The following AGBL4 variants were observed in gnomAD, a reference collection of about 807,000 sequenced individuals.
The protein encoded by AGBL4 is cytosolic carboxypeptidase 6.
A neutral mutation model predicts 66.4 loss-of-function variants in AGBL4; 58 were observed. The observed-to-expected ratio is 0.87, with a 90% CI of 0.71 to 1.09. The LOEUF (loss-of-function observed/expected upper bound fraction) is 1.09. Among genes scored for constraint, AGBL4 ranks in the 50% least tolerant of loss-of-function variants. AGBL4 has a pLI of 0.00. For synonymous variants in AGBL4, 234 were observed against 222.9 expected, an observed-to-expected ratio of 1.05 and a Z score of -0.44; for missense variants, 579 against 631.0, an observed-to-expected ratio of 0.92 and a Z score of 0.88.
intron 5 of AGBL4, among the ~76,000 whole-genome samples, chr1:48,939,784 C>T (rs1468061057): frequency 1.3e-5 from 2 of 152,208 alleles, no homozygotes; most frequent in Admixed American, 6.5e-5. Flanking sequence ...TGCTTTGGAT[C>T]TGAATTCAAC....
chr1:49,076,552 A>T (rs1474556796), intron 4 of AGBL4, among the ~76,000 whole-genome samples: 1 of 152,184 alleles, frequency 6.6e-6, no homozygotes, highest in Non-Finnish European at 1.5e-5. Context: ...ATAAATAAAA[A>T]GGCAGCTGTG....
chr1:49,800,443 C>T (rs925564728), intron 2 of AGBL4, among the ~76,000 whole-genome samples: 1 of 138,200 alleles, frequency 7.2e-6, no homozygotes, highest in Admixed American at 7.4e-5. Context: ...TATACATGTG[C>T]CATGCTGGTG....
intron 6 of AGBL4, among the ~76,000 whole-genome samples, chr1:48,846,365 GAAAGAAAGA>G (rs1482738822): frequency 1.6e-4 from 10 of 61,628 alleles, no homozygotes; most frequent in Admixed American, 6.5e-4. Flanking sequence ...AAAGAAAGAA[GAAAGAAAGA>G]AAGAAAGAAA....
intron 3 of AGBL4, among the ~76,000 whole-genome samples, chr1:49,630,474 T>A (rs1013487590): frequency 1.3e-5 from 2 of 152,168 alleles, no homozygotes; most frequent in Non-Finnish European, 2.9e-5. Context: ...CTCAGGCATT[T>A]CACTCAGCAT....
intron 11 of AGBL4, among the ~76,000 whole-genome samples, chr1:48,548,436 T>G (rs1394290859): frequency 6.6e-6 from 1 of 152,168 alleles, no homozygotes. Flanking sequence ...CTGGGGATAA[T>G]AATCAACCTC....
chr1:48,841,790 A>G (rs753899649), intron 6 of AGBL4, among the ~76,000 whole-genome samples: 18 of 152,110 alleles, frequency 1.2e-4, no homozygotes, highest in Non-Finnish European at 2.1e-4. Flanking sequence ...AGCAGAGTCT[A>G]TTTTAAGAGT....
At chr1:48,774,750 A>G (rs1644994044) in intron 6 of AGBL4, among the ~76,000 whole-genome samples, 1 of 152,202 alleles carries the variant, frequency 6.6e-6, no homozygotes, top group Admixed American at 6.5e-5. Context: ...GGGAGCTGCC[A>G]TCTGCCTAAG....
At chr1:49,789,236 G>A (rs903957734) in intron 2 of AGBL4, among the ~76,000 whole-genome samples, 1 of 152,092 alleles carries the variant, frequency 6.6e-6, no homozygotes, top group Non-Finnish European at 1.5e-5. Context: ...TGCTGGATTC[G>A]ATGTGCCAGT....
chr1:49,181,309 C>T (rs966633731), intron 4 of AGBL4, among the ~76,000 whole-genome samples: 1 of 152,146 alleles, frequency 6.6e-6, no homozygotes, highest in African/African-American at 2.4e-5. Flanking sequence ...CATTGAGGTT[C>T]TTCAGAAAAC....
At chr1:49,201,262 T>A (rs1647677160) in intron 4 of AGBL4, among the ~76,000 whole-genome samples, 1 of 152,182 alleles carries the variant, frequency 6.6e-6, no homozygotes, top group Non-Finnish European at 1.5e-5. Flanking sequence ...CATCCCCTGT[T>A]AACTTTCTGT....
intron 6 of AGBL4, among the ~76,000 whole-genome samples, chr1:48,735,515 AAAGGAAGGAAGT>A (rs367776763): frequency 0.043 from 6,568 of 151,404 alleles, 279 homozygotes; most frequent in African/African-American, 0.11. Flanking sequence ...AGGAGGGAAG[AAAGGAAGGAAGT>A]AAGGAAGGAA....
intron 3 of AGBL4, among the ~76,000 whole-genome samples, chr1:49,580,262 T>A (rs1644516747): frequency 6.6e-6 from 1 of 152,198 alleles, no homozygotes; most frequent in Non-Finnish European, 1.5e-5. Context: ...TTTTTTAAAA[T>A]CCATTCAGAC....
intron 1 of AGBL4, among the ~76,000 whole-genome samples, chr1:49,890,557 T>C (rs1392540415): frequency 7.2e-5 from 11 of 152,204 alleles, no homozygotes; most frequent in Non-Finnish European, 1.0e-4. Flanking sequence ...TATGGTAGAT[T>C]TATAAATATA....
At chr1:49,063,337 C>G (rs1356749836) in intron 4 of AGBL4, among the ~76,000 whole-genome samples, 1 of 152,054 alleles carries the variant, frequency 6.6e-6, no homozygotes, top group Admixed American at 6.6e-5. Context: ...ACACGTAAAA[C>G]CAAATAAACA....
intron 7 of AGBL4, among the ~76,000 whole-genome samples, chr1:48,656,274 A>AT (rs1230349222): frequency 1.3e-5 from 2 of 152,174 alleles, no homozygotes; most frequent in Non-Finnish European, 2.9e-5. Flanking sequence ...TTTATTGCTG[A>AT]TTTTTTTCTC....
chr1:48,659,824 T>C (rs1055746296), intron 7 of AGBL4, among the ~76,000 whole-genome samples: 9 of 152,248 alleles, frequency 5.9e-5, no homozygotes, highest in African/African-American at 2.2e-4. Flanking sequence ...GCTCCTCCCC[T>C]ACTGCTGGCA....
At chr1:49,891,921 C>A (rs1376938073) in intron 1 of AGBL4, among the ~76,000 whole-genome samples, 1 of 152,184 alleles carries the variant, frequency 6.6e-6, no homozygotes, top group Non-Finnish European at 1.5e-5. Context: ...CCCCTGTCTT[C>A]AGAGCTACAT....
chr1:48,837,842 A>G (rs1276954682), intron 6 of AGBL4, among the ~76,000 whole-genome samples: 2 of 150,936 alleles, frequency 1.3e-5, no homozygotes, highest in Admixed American at 6.6e-5. Context: ...ACTCAAGCCA[A>G]AAGAGCTCTG....
At chr1:49,371,382 G>A (rs1027696457) in intron 3 of AGBL4, among the ~76,000 whole-genome samples, 2 of 152,054 alleles carry the variant, frequency 1.3e-5, no homozygotes, top group African/African-American at 4.8e-5. Context: ...AAGCTTTGGA[G>A]GGGAGGTAGT....
Sources: allele counts gnomAD v4.1 joint callset (sites outside exome capture counted in the v4.1 genomes callset), GRCh38; gene constraint gnomAD v4.1.1; transcripts MANE v1.5; gene names NCBI Gene and HGNC (gene_info 2026-07-23, HGNC 2026-07-21).